Variants in SMYD3 observed in about 807,000 individuals in gnomAD.
The protein encoded by SMYD3 is SET and MYND domain containing 3, also known as histone-lysine N-methyltransferase SMYD3.
In SMYD3, 36 loss-of-function variants were observed where a neutral mutation model predicts 57.7. That is an observed-to-expected ratio of 0.62 (90% confidence interval 0.48 to 0.82). The LOEUF (loss-of-function observed/expected upper bound fraction) is 0.82. Among genes scored for constraint, SMYD3 ranks in the 40% least tolerant of loss-of-function variants. SMYD3 has a pLI of 0.00. For missense variants in SMYD3, 515 were observed against 538.8 expected (o/e 0.96, Z 0.44); for synonymous variants, 211 against 195.0 (o/e 1.08, Z -0.68).
At chr1:245,954,990 G>A (rs547854063) in intron 5 of SMYD3, among the ~76,000 whole-genome samples, 4 of 152,230 alleles carry the variant, frequency 2.6e-5, no homozygotes, top group African/African-American at 4.8e-5. Context: ...GACATCAAAC[G>A]CCCCCTATAA....
At chr1:246,420,858 A>T (rs962056051) in intron 1 of SMYD3, among the ~76,000 whole-genome samples, 1 of 152,218 alleles carries the variant, frequency 6.6e-6, no homozygotes, top group African/African-American at 2.4e-5. Context: ...GTTTGGAGGG[A>T]TTAATGCAGT....
intron 5 of SMYD3, among the ~76,000 whole-genome samples, chr1:246,253,294 C>G (rs1316373902): frequency 6.6e-6 from 1 of 152,188 alleles, no homozygotes; most frequent in East Asian, 1.9e-4. Context: ...GAGCAGTCCT[C>G]AGTTTCTGCT....
chr1:245,794,766 G>A lies in SMYD3; in HGVS notation c.1077-30617C>T, dbSNP rs548097706. 4.6e-5 allele frequency among the ~76,000 whole-genome samples: 7 copies of A among 152,206 alleles called. No homozygotes were observed. In the South Asian group the frequency reaches 8.3e-4, roughly 18 times the overall value. ...CCTCACCACTATCTCTTAATTCAATGTATCTTTGTGGGTTTTTTTATTTCA... is the reference window on the plus strand; with the variant it reads ...CCTCACCACTATCTCTTAATTCAATATATCTTTGTGGGTTTTTTTATTTCA... On this transcript the variant is annotated intron_variant, in intron 10 of 11. Coordinates refer to ENST00000490107, the MANE Select transcript of SMYD3 (RefSeq NM_001167740.2).
chr1:246,084,135 AAGAT>A (rs909410510), intron 5 of SMYD3, among the ~76,000 whole-genome samples: 4 of 152,274 alleles, frequency 2.6e-5, no homozygotes, highest in Admixed American at 1.3e-4. Flanking sequence ...GTGTGATAGA[AAGAT>A]AGCCCCAAAG....
intron 4 of SMYD3, among the ~76,000 whole-genome samples, chr1:246,327,612 A>C (rs2065377640): frequency 6.6e-6 from 1 of 152,234 alleles, no homozygotes; most frequent in Admixed American, 6.5e-5. Context: ...AAAATCACTG[A>C]GATTGTGTGT....
chr1:245,880,968 C>G (rs1311205763), intron 8 of SMYD3, among the ~76,000 whole-genome samples: 1 of 151,794 alleles, frequency 6.6e-6, no homozygotes, highest in Non-Finnish European at 1.5e-5. Context: ...TACGGATACC[C>G]ACCCAGGGCA....
intron 5 of SMYD3, among the ~76,000 whole-genome samples, chr1:245,939,396 C>T (rs10924394): frequency 0.22 from 33,047 of 151,928 alleles, 7,096 homozygotes; most frequent in African/African-American, 0.56. Flanking sequence ...GAGGCCAAGG[C>T]GGGTGGATCA....
At chr1:245,893,003 A>G (rs1049775669) in intron 8 of SMYD3, among the ~76,000 whole-genome samples, 1 of 152,258 alleles carries the variant, frequency 6.6e-6, no homozygotes, top group Non-Finnish European at 1.5e-5. Context: ...TGTGTACAGG[A>G]TAAAGAACTC....
intron 10 of SMYD3, among the ~76,000 whole-genome samples, chr1:245,817,266 G>A (rs1220202852): frequency 1.1e-4 from 16 of 143,960 alleles, no homozygotes; most frequent in Admixed American, 2.1e-4. Flanking sequence ...CTAACTGGGA[G>A]GCACCCCCCA....
At chr1:245,821,224 G>A (rs2049138344) in intron 10 of SMYD3, among the ~76,000 whole-genome samples, 1 of 150,172 alleles carries the variant, frequency 6.7e-6, no homozygotes, top group African/African-American at 2.4e-5. Context: ...ACAGAACAGA[G>A]TCCTCAGAAA....
intron 5 of SMYD3, among the ~76,000 whole-genome samples, chr1:245,947,607 G>C (rs1368904134): frequency 1.3e-5 from 2 of 152,132 alleles, no homozygotes; most frequent in Non-Finnish European, 2.9e-5. Flanking sequence ...TTACCAGAAA[G>C]CTATAAAATG....
intron 5 of SMYD3, among the ~76,000 whole-genome samples, chr1:246,255,079 A>G (rs2063860076): frequency 6.6e-6 from 1 of 152,166 alleles, no homozygotes; most frequent in Non-Finnish European, 1.5e-5. Context: ...GCAAAGAGAA[A>G]TAGTTTCACT....
At chr1:246,363,113 C>T (rs1455479071) in intron 1 of SMYD3, among the ~76,000 whole-genome samples, 16 of 151,758 alleles carry the variant, frequency 1.1e-4, no homozygotes, top group Non-Finnish European at 1.6e-4. Context: ...GCCTGGCCGC[C>T]CCGTCTGAGA....
intron 5 of SMYD3, among the ~76,000 whole-genome samples, chr1:246,112,917 C>G (rs2061271523): frequency 6.6e-6 from 1 of 152,176 alleles, no homozygotes; most frequent in African/African-American, 2.4e-5. Context: ...CACAGTGGCT[C>G]ACGCCTGTAA....
At chr1:245,783,478 A>G (rs1043943799) in intron 10 of SMYD3, among the ~76,000 whole-genome samples, 20 of 152,282 alleles carry the variant, frequency 1.3e-4, no homozygotes, top group African/African-American at 4.8e-4. Context: ...TCACACTAAA[A>G]TGGGAGAAAA....
chr1:245,816,979 C>G (rs1027007718), intron 10 of SMYD3, among the ~76,000 whole-genome samples: 2 of 151,290 alleles, frequency 1.3e-5, no homozygotes, highest in African/African-American at 4.8e-5. Context: ...GAGGGGCGCC[C>G]GCCATTGCCC....
At chr1:246,499,192 T>A (rs2068417545) in intron 1 of SMYD3, among the ~76,000 whole-genome samples, 1 of 151,740 alleles carries the variant, frequency 6.6e-6, no homozygotes, top group South Asian at 2.1e-4. Context: ...TAGTCCCAGC[T>A]ATTCGGGGGA....
rs1163637976 is a variant in SMYD3 at position 246,232,773 on chromosome 1, A to C, written c.531+94428T>G. 1.2e-4 allele frequency among the ~76,000 whole-genome samples: 16 copies of C among 134,726 alleles called. 4 individuals are homozygous for C. The highest frequency in any genetic ancestry group is 4.3e-4 in the African/African-American group (16 of 37,134). The allele number at this position is 134,726 out of a possible 152,430, so 88.4% of individuals were successfully genotyped here. A position where few individuals can be genotyped will look rare whatever the true frequency, so the allele number is the denominator to read the frequency against. ...GAGGAGAAGCACTCCTTCAATCCACACTGTGATGAATATATACCACACAGA... is the reference window on the plus strand; with the variant it reads ...GAGGAGAAGCACTCCTTCAATCCACCCTGTGATGAATATATACCACACAGA... On this transcript the variant is annotated intron_variant, in intron 5 of 11. Transcript: ENST00000490107.
At chr1:246,243,893 T>G (rs950721196) in intron 5 of SMYD3, among the ~76,000 whole-genome samples, 4 of 151,494 alleles carry the variant, frequency 2.6e-5, no homozygotes, top group African/African-American at 9.7e-5. Flanking sequence ...ATTTTTTCCT[T>G]ATTTTTAAAA....
Sources: gnomAD v4.1 joint callset for allele counts (sites outside exome capture counted in the v4.1 genomes callset) on GRCh38, gnomAD v4.1.1 for gene constraint, MANE v1.5 for transcripts, NCBI Gene and HGNC (gene_info 2026-07-23, HGNC 2026-07-21) for gene names.